UBR4: variants seen among roughly 807,000 people sequenced by gnomAD.
UBR4 encodes E3 ubiquitin-protein ligase UBR4.
UBR4 carries 124 observed loss-of-function variants against 575.6 expected under a neutral mutation model. That is an observed-to-expected ratio of 0.22 (90% CI 0.19 to 0.25). UBR4 has a LOEUF of 0.25. Ranked by LOEUF, UBR4 falls within the 10% of genes least tolerant of loss-of-function variation. UBR4 has a pLI of 1.00. For synonymous variants in UBR4, 2,455 were observed against 2,473.7 expected (o/e 0.99, Z 0.22); for missense variants, 4,818 against 6,478.8 (o/e 0.74, Z 8.80).
chr1:19,118,015 A>G, intron 71 of UBR4, 105 bp from the exon 72 acceptor site: 7 of 1,070,668 alleles, frequency 6.5e-6, no homozygotes, highest in Non-Finnish European at 9.9e-6. Flanking sequence ...AGCCAAAGTG[A>G]GCCCAAAGTG....
intron 59 of UBR4, 61 bp from the exon 60 acceptor site, chr1:19,138,242 A>G: frequency 5.7e-6 from 8 of 1,414,052 alleles, no homozygotes; most frequent in Non-Finnish European, 7.5e-6. Flanking sequence ...AACCCAGTGC[A>G]TTCTAAAGCA....
At chr1:19,161,281 T>C in intron 37 of UBR4, 134 bp from the exon 38 acceptor site, 1 of 856,762 alleles carries the variant, frequency 1.2e-6, no homozygotes, top group East Asian at 2.7e-5. Context: ...AAAGCCTAAA[T>C]TCTGATCTTC....
intron 1 of UBR4, among the ~76,000 whole-genome samples, chr1:19,208,493 A>G (rs929554666): frequency 6.8e-6 from 1 of 146,316 alleles, no homozygotes. Context: ...AAAAAAAGAG[A>G]TCTTGCCTTC....
intron 87 of UBR4, among the ~76,000 whole-genome samples, chr1:19,102,296 C>T (rs916713835): frequency 3.3e-5 from 5 of 151,426 alleles, no homozygotes; most frequent in Non-Finnish European, 5.9e-5. Flanking sequence ...GCCCAGAAGG[C>T]GGAGGTTACA....
At position 19,153,806 on chromosome 1, in the gene UBR4, G is replaced by A. The variant is rs1215264789; in HGVS notation, c.6592C>T (p.Leu2198Phe). 4.3e-6 allele frequency: 7 copies of A among 1,614,176 alleles called. No individual in the cohort carries two copies. In the South Asian group the frequency reaches 7.7e-5, roughly 18 times the overall value. ...GGAAGAGTCTTAATCTCCTGGATAA[G>A]AAAAGTGTCTGGTTTCACCATAACT... Reference protein sequence around the residue: ...LVVMVKPDTFLIQEIKTLPAK... With the variant: ...LVVMVKPDTFFIQEIKTLPAK... Residue 2198 changes from leucine to phenylalanine, a missense_variant, in exon 45 of 106, where the codon CTT becomes TTT. By Grantham distance (22) the Leu-to-Phe change is conservative (BLOSUM62 0). This residue lies in a region of UBR4 where 461 missense variants were observed against 606.9 expected (regional missense o/e 0.76). Coordinates refer to ENST00000375254, the MANE Select transcript of UBR4 (RefSeq NM_020765.3). This position sits in a 1 kb window ranked among gnomAD's most constrained non-coding sequence, Gnocchi z 4.1.
chr1:19,171,005 T>C (rs1017522979), intron 25 of UBR4, 122 bp from the exon 26 acceptor site: 17 of 1,350,922 alleles, frequency 1.3e-5, no homozygotes, highest in Admixed American at 6.6e-5. Flanking sequence ...ATGTAGTTGA[T>C]AGTGCCTGCC....
chr1:19,101,266 A>C (rs868820947), intron 88 of UBR4, among the ~76,000 whole-genome samples: 1 of 152,242 alleles, frequency 6.6e-6, no homozygotes, highest in South Asian at 2.1e-4. Context: ...GGTTAGACCT[A>C]GTTTTTAAAA....
chr1:19,186,482 A>C (rs1462719645), intron 14 of UBR4, 58 bp downstream of exon 14: 3 of 1,471,846 alleles, frequency 2.0e-6, no homozygotes, highest in Non-Finnish European at 2.8e-6. Context: ...ATCTGCTGAG[A>C]ACACTCCTGT....
In UBR4 at chr1:19,192,189, C is replaced by A; in HGVS notation, c.1393G>T (p.Gly465Trp). Residue 465 changes from glycine (G) to tryptophan (W), a missense_variant and splice_region_variant, in exon 11 of 106, where the codon GGG (glycine) becomes TGG (tryptophan). By Grantham distance (184) the Gly-to-Trp change is radical. Around this residue, in one of 29 missense-constraint regions of UBR4, gnomAD observed 162 missense variants for 216.4 expected, o/e 0.75. Coordinates refer to ENST00000375254, the MANE Select transcript of UBR4 (RefSeq NM_020765.3). ...AGTTATAATCAAGTAGACACATACC[C>A]TTTTCCAGGCCCCAGTTTAGGGGAG... ...VGSPKLGPGK[G>W]HQGFGVLSVI... 6.2e-7 allele frequency: 1 copy of A among 1,613,606 alleles called. No homozygotes were observed.
chr1:19,173,229 G>A lies in UBR4; in HGVS notation c.3243C>T (p.Ser1081=), dbSNP rs148345447. The change falls in exon 24 of 106, where the codon AGC becomes AGT. Residue 1081 remains serine (S), a synonymous_variant. Transcript: ENST00000375254. Reference sequence around the variant, plus strand: ...CTATTTCAACATCATATTTCACTGAGCTACACTTAGTGGTGGATGCCAGTT... The same window carrying A: ...CTATTTCAACATCATATTTCACTGAACTACACTTAGTGGTGGATGCCAGTT... ...LLELASTTKC[S]SVKYDVEIVE... 6.2e-6 allele frequency: 10 copies of A among 1,614,192 alleles called. No homozygotes were observed. In the East Asian group the frequency reaches 8.9e-5, roughly 14 times the overall value.
At chr1:19,209,267 A>C (rs1208664556) in intron 1 of UBR4, among the ~76,000 whole-genome samples, 1 of 152,214 alleles carries the variant, frequency 6.6e-6, no homozygotes, top group East Asian at 1.9e-4. Flanking sequence ...TAAAAGCAAA[A>C]GTCTACCATT....
chr1:19,161,575 G>T lies in UBR4; in HGVS notation c.5175+14C>A, dbSNP rs200597402. On this transcript the variant is annotated intron_variant, in intron 37 of 105. Coordinates refer to ENST00000375254, the MANE Select transcript of UBR4 (RefSeq NM_020765.3). ...AACAAGCCACCCTTTATAGCTCAGG[G>T]AGGGTCCTCTCACCAAACAGCTGCC... 6.3e-7 allele frequency: 1 copy of T among 1,592,796 alleles called. No individual in the cohort carries two copies.
intron 27 of UBR4, 34 bp from the exon 28 acceptor site, chr1:19,168,218 ACCATCTAC>A: frequency 6.6e-7 from 1 of 1,508,458 alleles, no homozygotes; most frequent in Non-Finnish European, 8.9e-7. Context: ...AAATGGATAG[ACCATCTAC>A]CCTGGAAAAA....
At chr1:19,180,380 G>A (rs532418570) in intron 17 of UBR4, among the ~76,000 whole-genome samples, 10 of 151,748 alleles carry the variant, frequency 6.6e-5, no homozygotes, top group Admixed American at 1.3e-4. Flanking sequence ...GTAGAGACGG[G>A]GTTTCACAAT....
rs749693326 is a variant in UBR4 at position 19,161,916 on chromosome 1, T to A, written c.4957-19A>T. The A allele has an allele frequency of 9.3e-6, 15 of 1,613,578 alleles. No homozygotes were observed. The highest frequency in any genetic ancestry group is 3.3e-5 in the Admixed American group (2 of 60,000). On this transcript the variant is annotated intron_variant, in intron 35 of 105. Coordinates refer to ENST00000375254, the MANE Select transcript of UBR4 (RefSeq NM_020765.3). ...CTTCATCCTTCAAAAATAATAAGTC[T>A]TTTTAATTCGAAATATATCCCTGCA...
At position 19,148,016 on chromosome 1, in the gene UBR4, G is replaced by A. The variant is rs759814731; in HGVS notation, c.7606C>T (p.Arg2536Cys). The A allele has an allele frequency of 1.9e-5, 31 of 1,612,860 alleles. No homozygotes were observed. The highest frequency in any genetic ancestry group is 2.7e-5 in the African/African-American group (2 of 74,920). Residue 2536 changes from arginine to cysteine, a missense_variant, in exon 51 of 106, where the codon CGC becomes TGC. Transcript: ENST00000375254. ...KSLLASLHTS[R>C]SAYHSHKDQA... ...ACCTTGTGGCTGTGGTAGGCCGAGC[G>A]GCTGGTGTGCAGGCTGGCCAGAAGG...
At position 19,126,484 on chromosome 1, in the gene UBR4, G is replaced by A; in HGVS notation, c.9400C>T (p.Pro3134Ser). 1 of 1,614,198 alleles carries A rather than the reference G, an allele frequency of 6.2e-7. No individual in the cohort carries two copies. ...CGGAGAAAGAATGGGCTCATGTCAG[G>A]TGGGGAGGAGGTAGTATGTGGTTTC... ...LLKPHTTSSPPDMSPFFLRQY... is the reference protein window; with the variant it reads ...LLKPHTTSSPSDMSPFFLRQY... The change falls in exon 64 of 106, where the codon CCT (proline) becomes TCT (serine). Residue 3134 changes from proline to serine, a missense_variant. Coordinates refer to ENST00000375254, the MANE Select transcript of UBR4 (RefSeq NM_020765.3).
intron 102 of UBR4, 26 bp from the exon 103 acceptor site, chr1:19,081,599 T>C (rs2076510253): frequency 2.5e-6 from 4 of 1,613,340 alleles, no homozygotes; most frequent in Non-Finnish European, 3.4e-6. Flanking sequence ...CATGATAAAA[T>C]AAAAGCAGGG....
In UBR4 at chr1:19,124,682, A is replaced by T. The variant is rs35466973; in HGVS notation, c.9447T>A (p.Ala3149=). 12,373 of 1,613,178 alleles carry T rather than the reference A, an allele frequency of 7.7e-3. 66 individuals carry two copies. The highest frequency in any genetic ancestry group is 9.1e-3 in the Non-Finnish European group (10,698 of 1,179,590). ...FFLRQYVKGH[A]ADVFEAYTQL... Reference sequence around the variant, plus strand: ...GAGTATAGGCCTCAAACACATCAGCAGCATGACCCTGGGAGAAGAAAATTT... The same window carrying T: ...GAGTATAGGCCTCAAACACATCAGCTGCATGACCCTGGGAGAAGAAAATTT... Residue 3149 remains alanine, a synonymous_variant, in exon 65 of 106, where the codon GCT becomes GCA. Transcript: ENST00000375254.
Sources: gnomAD v4.1 joint callset for allele counts (sites outside exome capture counted in the v4.1 genomes callset) on GRCh38, gnomAD v4.1.1 for gene constraint, gnomAD v4.1.1 regional missense constraint, Gnocchi (gnomAD v3.1) non-coding constraint, MANE v1.5 for transcripts, NCBI Gene and HGNC (gene_info 2026-07-23, HGNC 2026-07-21) for gene names.